The following GEN1 variants were observed in gnomAD, a reference collection of about 807,000 sequenced individuals.
The protein encoded by GEN1 is flap endonuclease GEN homolog 1.
GEN1 carries 64 observed loss-of-function variants against 67.6 expected under a neutral mutation model. The ratio of observed to expected loss-of-function variants is 0.95; its 90% CI spans 0.77 to 1.17. GEN1 has a LOEUF of 1.17. GEN1 is among the 50% of genes most tolerant of loss of function. GEN1 has a pLI of 0.00. For synonymous variants in GEN1, 371 were observed against 359.4 expected, an observed-to-expected ratio of 1.03 and a Z score of -0.37; for missense variants, 1,058 against 1,048.3, an observed-to-expected ratio of 1.01 and a Z score of -0.13.
chr2:17,764,376 A>G (rs1472559875), intron 3 of GEN1, among the ~76,000 whole-genome samples: 1 of 152,188 alleles, frequency 6.6e-6, no homozygotes, highest in Non-Finnish European at 1.5e-5. Flanking sequence ...TGTAAATCTT[A>G]ATATGATTAA....
At chr2:17,778,997 T>A (rs902837265) in intron 12 of GEN1, among the ~76,000 whole-genome samples, 5 of 152,140 alleles carry the variant, frequency 3.3e-5, no homozygotes, top group African/African-American at 1.2e-4. Flanking sequence ...CACCTTGGCT[T>A]ACAGCAACCT....
chr2:17,758,960 A>G (rs1179293323), intron 1 of GEN1, among the ~76,000 whole-genome samples: 1 of 152,158 alleles, frequency 6.6e-6, no homozygotes, highest in Non-Finnish European at 1.5e-5. Flanking sequence ...TCCAGCATTT[A>G]TTTTCTTTGC....
intron 11 of GEN1, among the ~76,000 whole-genome samples, chr2:17,776,245 G>T (rs1364783163): frequency 4.6e-5 from 7 of 151,920 alleles, no homozygotes; most frequent in Non-Finnish European, 1.0e-4. Flanking sequence ...AAATATCTAG[G>T]TAGTTTTCTG....
chr2:17,755,295 T>G (rs1671366211), intron 1 of GEN1: 1 of 152,208 alleles, frequency 6.6e-6, no homozygotes, highest in African/African-American at 2.4e-5. Context: ...GGACCTTTTT[T>G]CCTAAATACA....
intron 3 of GEN1, among the ~76,000 whole-genome samples, chr2:17,761,947 G>A (rs755638023): frequency 6.6e-6 from 1 of 152,104 alleles, no homozygotes; most frequent in Non-Finnish European, 1.5e-5. Context: ...ACTTAAAGAA[G>A]TCCCAGAATA....
rs1343545199 is a variant in GEN1, at chr2:17,784,635, A to T, written c.*2696A>T. 1 of 152,252 alleles carries T rather than the reference A, an allele frequency of 6.6e-6. No individual in the cohort carries two copies. The allele number at this position is 152,252 out of a possible 1,614,324, so 9.4% of individuals were successfully genotyped here. On this transcript the variant is annotated 3_prime_UTR_variant, in exon 14 of 14. Coordinates refer to ENST00000381254, the MANE Select transcript of GEN1 (RefSeq NM_001130009.3). ...TGCTAAGCATTCAACTAGATTATTT[A>T]CAAACCTTGTATCATCTCAACTCTT...
In GEN1 at chr2:17,781,951, C is replaced by G; in HGVS notation, c.*12C>G. The G allele has an allele frequency of 1.4e-6, 2 of 1,412,350 alleles. No individual in the cohort carries two copies. Among genetic ancestry groups the G allele is most frequent in the Non-Finnish European group, 1.9e-6 (2 of 1,035,160 alleles). 87.5% of individuals were successfully genotyped at this position (1,412,350 alleles called of 1,614,324 possible). A position where few individuals can be genotyped will look rare whatever the true frequency, so the allele number is the denominator to read the frequency against. ...TCCAAAGCACTTGAAATTTAAAACA[C>G]TTAGGTATAACTTAACTATTTTAGT... On this transcript the variant is annotated 3_prime_UTR_variant, in exon 14 of 14. Transcript: ENST00000381254.
chr2:17,773,787 A>T (rs183789031), intron 10 of GEN1, among the ~76,000 whole-genome samples: 178 of 152,254 alleles, frequency 1.2e-3, no homozygotes, highest in African/African-American at 3.8e-3. Context: ...TTAACTCCTA[A>T]TATAGTGGCT....
chr2:17,778,377 CAT>C (rs70964011), intron 12 of GEN1, among the ~76,000 whole-genome samples: 519 of 21,116 alleles, frequency 0.025, 140 homozygotes, highest in African/African-American at 0.055. Flanking sequence ...TATACACACA[CAT>C]ATATGTGTGT....
chr2:17,769,551 T>C (rs1038766632), intron 6 of GEN1, among the ~76,000 whole-genome samples: 1 of 152,232 alleles, frequency 6.6e-6, no homozygotes, highest in African/African-American at 2.4e-5. Context: ...ACTTTGATAT[T>C]GTATTTTCTT....
Position 17,766,645 on chromosome 2 carries a change from C to G in GEN1, c.592C>G (p.Leu198Val), listed in dbSNP as rs780590780. ...KSKLGLDRDA[L>V]VGLAILLGCD... is the part of the protein sequence containing the mutation. ...TAAACTAGGTTTGGATAGAGATGCT[C>G]TGGTTGGATTAGCAATACTTCTTGG... Residue 198 changes from leucine (L) to valine (V), a missense_variant, in exon 5 of 14, where the codon CTG (leucine) becomes GTG (valine). By Grantham distance (32) the Leu-to-Val change is conservative. Coordinates refer to ENST00000381254, the MANE Select transcript of GEN1 (RefSeq NM_001130009.3). 1.2e-6 allele frequency: 2 copies of G among 1,609,102 alleles called. No individual in the cohort carries two copies. The highest frequency in any genetic ancestry group is 2.2e-5 in the South Asian group (2 of 90,830).
intron 6 of GEN1, chr2:17,770,978 C>G (rs1175445245): frequency 2.0e-5 from 12 of 595,492 alleles, no homozygotes; most frequent in Non-Finnish European, 3.1e-5. Context: ...CACATATACT[C>G]TCTCTCCTGT....
chr2:17,774,029 G>C lies in GEN1; in HGVS notation c.1072-242G>C, dbSNP rs575929826. Among the ~76,000 whole-genome samples, 13 of 152,206 alleles carry C rather than the reference G, an allele frequency of 8.5e-5. No individual in the cohort carries two copies. The South Asian group carries it at 2.7e-3, about 32-fold the overall frequency. ...ACAGATGGTAAAACTGAGGCTAAGA[G>C]AGTTTAAGTAAGTTACCCAACATCT... On this transcript the variant is annotated intron_variant, in intron 10 of 13. Coordinates refer to ENST00000381254, the MANE Select transcript of GEN1 (RefSeq NM_001130009.3).
intron 1 of GEN1, among the ~76,000 whole-genome samples, chr2:17,758,492 T>C (rs1671527948): frequency 6.6e-6 from 1 of 152,248 alleles, no homozygotes; most frequent in Admixed American, 6.5e-5. Context: ...TTTTCCAGAA[T>C]TAACCACAAC....
intron 12 of GEN1, 86 bp downstream of exon 12, chr2:17,778,149 T>TA: frequency 1.8e-6 from 1 of 560,202 alleles, no homozygotes; most frequent in East Asian, 3.5e-5. Flanking sequence ...TATATATATA[T>TA]ATATACACAC....
At chr2:17,764,635 T>C (rs927104857) in intron 3 of GEN1, among the ~76,000 whole-genome samples, 9 of 152,170 alleles carry the variant, frequency 5.9e-5, no homozygotes, top group Admixed American at 5.9e-4. Context: ...TCATGTTTTC[T>C]AAAAGATGAT....
chr2:17,768,714 A>ATT, intron 5 of GEN1, 24 bp from the exon 6 acceptor site: 1 of 1,538,930 alleles, frequency 6.5e-7, no homozygotes, highest in Non-Finnish European at 9.0e-7. Context: ...CATTGGAATT[A>ATT]TTTTTTTTCC....
intron 6 of GEN1, among the ~76,000 whole-genome samples, chr2:17,770,036 A>G (rs528141160): frequency 1.2e-4 from 18 of 152,304 alleles, no homozygotes; most frequent in Admixed American, 5.2e-4. Context: ...GACTTCAGTA[A>G]ATCCATTATT....
At chr2:17,759,879 G>C in intron 1 of GEN1, 50 bp from the exon 2 acceptor site, 1 of 1,478,674 alleles carries the variant, frequency 6.8e-7, no homozygotes. Flanking sequence ...TTCCTGTTAT[G>C]AGCTTCTGTT....
Sources: gnomAD v4.1 joint callset for allele counts (sites outside exome capture counted in the v4.1 genomes callset) on GRCh38, gnomAD v4.1.1 for gene constraint, MANE v1.5 for transcripts, NCBI Gene and HGNC (gene_info 2026-07-23, HGNC 2026-07-21) for gene names.